The following BEST4 variants were observed in gnomAD, a reference collection of about 807,000 sequenced individuals.
The protein encoded by BEST4 is bestrophin-4.
Under a neutral mutation model 47.1 loss-of-function variants are expected in BEST4, and 36 were observed. The ratio of observed to expected loss-of-function variants is 0.76; its 90% CI spans 0.59 to 1.01. The LOEUF (loss-of-function observed/expected upper bound fraction) is 1.01. Among genes scored for constraint, BEST4 ranks in the 50% least tolerant of loss-of-function variants. The probability of loss-of-function intolerance (pLI) is 0.00; values close to 1 mark genes in which losing one functional copy is unlikely to be tolerated. For synonymous variants in BEST4, 250 were observed against 277.8 expected (o/e 0.90, Z 1.00); for missense variants, 550 against 648.6 (o/e 0.85, Z 1.65).
At chr1:44,789,265 A>G (rs1463154117), upstream of BEST4, among the ~76,000 whole-genome samples, 3 of 118,674 alleles carry the variant, frequency 2.5e-5, no homozygotes, top group South Asian at 2.7e-4. Context: ...AAAAGAAAAG[A>G]AAGAAAGAAA....
In BEST4 at chr1:44,784,795, G is replaced by A; in HGVS notation, c.994-12C>T. 6.3e-7 allele frequency: 1 copy of A among 1,591,988 alleles called. No individual in the cohort carries two copies. Among genetic ancestry groups the A allele is most frequent in the Non-Finnish European group, 8.6e-7 (1 of 1,168,056 alleles). ...GATAGCAGGGACACCTGGGCCACCA[G>A]CAAGTTACAAGGATCCTCCTCTCCT... On this transcript the variant is annotated splice_polypyrimidine_tract_variant and intron_variant, in intron 7 of 8. Coordinates refer to ENST00000372207, the MANE Select transcript of BEST4 (RefSeq NM_153274.3). This position sits in a 1 kb window ranked among gnomAD's most constrained non-coding sequence, Gnocchi z 6.2.
chr1:44,792,283 C>A (rs926071350), upstream of BEST4, among the ~76,000 whole-genome samples: 116 of 151,662 alleles, frequency 7.6e-4, no homozygotes, highest in African/African-American at 2.6e-3. Flanking sequence ...AAAAATTAGC[C>A]GGGCTTGGTG....
At chr1:44,792,462 G>T (rs545920149), upstream of BEST4, among the ~76,000 whole-genome samples, 5 of 151,266 alleles carry the variant, frequency 3.3e-5, no homozygotes, top group African/African-American at 7.3e-5. Flanking sequence ...ATGGGAACAC[G>T]GGGATGATAA....
downstream of BEST4, among the ~76,000 whole-genome samples, chr1:44,782,556 GGCGGTGGAGGTT>G (rs568676250): frequency 6.6e-6 from 1 of 152,188 alleles, no homozygotes; most frequent in African/African-American, 2.4e-5. Flanking sequence ...CTTGAACCCA[GGCGGTGGAGGTT>G]GCAGTGAGCC....
chr1:44,784,325 G>GT lies in BEST4; in HGVS notation c.1306dup (p.Thr436AsnfsTer67). The GT allele has an allele frequency of 7.2e-7, 1 of 1,395,462 alleles. No individual in the cohort carries two copies. The highest frequency in any genetic ancestry group is 9.2e-7 in the Non-Finnish European group (1 of 1,085,056). 86.4% of individuals were successfully genotyped at this position (1,395,462 alleles called of 1,614,324 possible). ...GCGCAGCAGATGCGGGGGGCGGGGG[G>GT]TGCCTCGCACGCGGCCGAAGTTCCG... On this transcript the variant is annotated frameshift_variant, in exon 9 of 9. Transcript: ENST00000372207. LOFTEE classifies it low-confidence loss of function (END_TRUNC). The surrounding 1 kb of genome is among the most constrained non-coding windows in gnomAD (Gnocchi z 6.2).
chr1:44,782,495 T>C (rs1049947554), downstream of BEST4, among the ~76,000 whole-genome samples: 2 of 152,036 alleles, frequency 1.3e-5, no homozygotes, highest in African/African-American at 4.8e-5. Flanking sequence ...CCGGGCGTGG[T>C]GGTGGACACC....
Position 44,784,938 on chromosome 1 carries a change from A to C in BEST4, c.960T>G (p.Phe320Leu). ...TGCGGTCTATGAGCTGATTTGTCTC[A>C]AAGTCGTCATCATCCTCACCAAATG... ...INPFGEDDDD[F>L]ETNQLIDRNL... The change falls in exon 7 of 9, where the codon TTT (phenylalanine) becomes TTG (leucine). Residue 320 changes from phenylalanine (F) to leucine (L), a missense_variant. Transcript: ENST00000372207. The surrounding 1 kb of genome is among the most constrained non-coding windows in gnomAD (Gnocchi z 6.2). The C allele has an allele frequency of 1.2e-6, 2 of 1,614,102 alleles. No individual in the cohort carries two copies. The highest frequency in any genetic ancestry group is 1.7e-6 in the Non-Finnish European group (2 of 1,180,030).
Position 44,784,818 on chromosome 1 carries a change from C to T in BEST4, c.994-35G>A. 1.9e-6 allele frequency: 3 copies of T among 1,600,692 alleles called. No homozygotes were observed. The highest frequency in any genetic ancestry group is 2.6e-6 in the Non-Finnish European group (3 of 1,172,784). ...CAGCAAGTTACAAGGATCCTCCTCT[C>T]CTCTCCTTCCCACGGCCGGGCTGAG... On this transcript the variant is annotated intron_variant, in intron 7 of 8. Coordinates refer to ENST00000372207, the MANE Select transcript of BEST4 (RefSeq NM_153274.3). The surrounding 1 kb of genome is among the most constrained non-coding windows in gnomAD (Gnocchi z 6.2).
upstream of BEST4, among the ~76,000 whole-genome samples, chr1:44,788,314 G>C (rs1326476014): frequency 2.0e-5 from 3 of 152,220 alleles, no homozygotes; most frequent in East Asian, 5.8e-4. Context: ...ACCCCTGTAG[G>C]GTTGGGCTGG....
In BEST4 at chr1:44,784,147, G is replaced by C. The variant is rs1278313319; in HGVS notation, c.*63C>G. The C allele has an allele frequency of 2.2e-6, 3 of 1,346,224 alleles. No homozygotes were observed. The highest frequency in any genetic ancestry group is 7.8e-5 in the Admixed American group (2 of 25,482). 83.4% of individuals were successfully genotyped at this position (1,346,224 alleles called of 1,614,324 possible). On this transcript the variant is annotated 3_prime_UTR_variant, in exon 9 of 9. Coordinates refer to ENST00000372207, the MANE Select transcript of BEST4 (RefSeq NM_153274.3). This position sits in a 1 kb window ranked among gnomAD's most constrained non-coding sequence, Gnocchi z 6.2. The stretch of plus-strand genomic sequence containing the variant: ...CTGCTCTAATAGAGCTGGCTGGCAG[G>C]ACCGGGCACGGGAGGGAAGGAGGGC...
At chr1:44,787,528 C>A (rs760112648) in intron 1 of BEST4, 26 bp downstream of exon 1, 3 of 1,614,104 alleles carry the variant, frequency 1.9e-6, no homozygotes, top group South Asian at 1.1e-5. Flanking sequence ...TCCCCACTTG[C>A]GCCAGCTCTA....
In BEST4 at chr1:44,785,599, T is replaced by C. The variant is rs888799531; in HGVS notation, c.714A>G (p.Gln238=). 2.6e-6 allele frequency: 4 copies of C among 1,552,380 alleles called. No individual in the cohort carries two copies. The highest frequency in any genetic ancestry group is 2.7e-5 in the African/African-American group (2 of 72,892). ...DWISIPLVYT[Q]VVTIAVYSFF... ...GACTCGGGAGGGGAGAGGCAGTTAC[T>C]TGGGTGTAGACGAGGGGGATGCTGA... The change falls in exon 5 of 9, where the codon CAA becomes CAG. Residue 238 remains glutamine, a splice_region_variant and synonymous_variant. Transcript: ENST00000372207.
At chr1:44,783,101 T>G (rs1251039921), downstream of BEST4, among the ~76,000 whole-genome samples, 1 of 152,108 alleles carries the variant, frequency 6.6e-6, no homozygotes, top group Non-Finnish European at 1.5e-5. Flanking sequence ...ATTACAGGCA[T>G]CCACCACCAC....
At chr1:44,790,163 C>A (rs1651375678), upstream of BEST4, among the ~76,000 whole-genome samples, 4 of 152,168 alleles carry the variant, frequency 2.6e-5, no homozygotes, top group Admixed American at 2.6e-4. Flanking sequence ...TCTTTGGTTT[C>A]CCACGACTGG....
upstream of BEST4, among the ~76,000 whole-genome samples, chr1:44,790,929 AAAAAAG>A (rs1316547435): frequency 3.9e-5 from 6 of 152,070 alleles, no homozygotes; most frequent in South Asian, 2.1e-4. Context: ...AACAAAAACA[AAAAAAG>A]AAAAAGAAAA....
chr1:44,789,729 GA>G (rs1573601882), upstream of BEST4, among the ~76,000 whole-genome samples: 1 of 152,182 alleles, frequency 6.6e-6, no homozygotes, highest in East Asian at 1.9e-4. Flanking sequence ...AAAAAGAAAA[GA>G]AAAGAAATAG....
chr1:44,786,661 A>C lies in BEST4; in HGVS notation c.283T>G (p.Ser95Ala), dbSNP rs1328979301. The C allele has an allele frequency of 1.3e-6, 2 of 1,551,424 alleles. No homozygotes were observed. The highest frequency in any genetic ancestry group is 8.7e-7 in the Non-Finnish European group (1 of 1,146,872). Residue 95 changes from serine (S) to alanine (A), a missense_variant, in exon 3 of 9, where the codon TCC becomes GCC. Around this residue, in one of 3 missense-constraint regions of BEST4, gnomAD observed 291 missense variants for 342.4 expected, o/e 0.85. Transcript: ENST00000372207. The surrounding 1 kb of genome is among the most constrained non-coding windows in gnomAD (Gnocchi z 4.9). The stretch of plus-strand genomic sequence containing the variant: ...GGCAGCGGGATGCTTGTGTACTGGG[A>C]CCACCAGCGGTTCACCACGAGAGTC... ...YVTLVVNRWW[S>A]QYTSIPLPDQ...
upstream of BEST4, among the ~76,000 whole-genome samples, chr1:44,789,767 GCTTA>G (rs1651363840): frequency 6.6e-6 from 1 of 152,150 alleles, no homozygotes; most frequent in Admixed American, 6.6e-5. Context: ...AGAATTGGCA[GCTTA>G]CTTACCCTCC....
chr1:44,786,383 C>G lies in BEST4; in HGVS notation c.481+80G>C. 6 of 1,430,968 alleles carry G rather than the reference C, an allele frequency of 4.2e-6. No homozygotes were observed. Among genetic ancestry groups the G allele is most frequent in the Non-Finnish European group, 5.6e-6 (6 of 1,076,060 alleles). The allele number at this position is 1,430,968 out of a possible 1,614,324, so 88.6% of individuals were successfully genotyped here. A position where few individuals can be genotyped will look rare whatever the true frequency, so the allele number is the denominator to read the frequency against. Reference sequence around the variant, plus strand: ...CAGTCCAGACCCTTCCCTGGAGGCCCCTGCTCCCAGGACTCTCCCAGGCGC... The same window carrying G: ...CAGTCCAGACCCTTCCCTGGAGGCCGCTGCTCCCAGGACTCTCCCAGGCGC... On this transcript the variant is annotated intron_variant, in intron 3 of 8. Transcript: ENST00000372207. This position sits in a 1 kb window ranked among gnomAD's most constrained non-coding sequence, Gnocchi z 4.9.
Sources: gnomAD v4.1 joint callset for allele counts (sites outside exome capture counted in the v4.1 genomes callset) on GRCh38, gnomAD v4.1.1 for gene constraint, gnomAD v4.1.1 regional missense constraint, Gnocchi (gnomAD v3.1) non-coding constraint, MANE v1.5 for transcripts, NCBI Gene and HGNC (gene_info 2026-07-23, HGNC 2026-07-21) for gene names.